STUM: variants seen among roughly 807,000 people sequenced by gnomAD.
The protein encoded by STUM is stum, mechanosensory transduction mediator homolog.
A neutral mutation model predicts 15.3 loss-of-function variants in STUM; 8 were observed. The observed-to-expected ratio is 0.52, with a 90% confidence interval of 0.31 to 0.94. The LOEUF is 0.94. Ranked by LOEUF, STUM falls within the 40% of genes least tolerant of loss-of-function variation. The pLI, the probability that STUM is intolerant of heterozygous loss-of-function variation, is 0.05. For synonymous variants in STUM, 78 were observed against 88.7 expected, an observed-to-expected ratio of 0.88 and a Z score of 0.68; for missense variants, 142 against 204.9, an observed-to-expected ratio of 0.69 and a Z score of 1.87.
intron 1 of STUM, among the ~76,000 whole-genome samples, chr1:226,594,377 C>G (rs1196681557): frequency 6.6e-6 from 1 of 152,178 alleles, no homozygotes; most frequent in Non-Finnish European, 1.5e-5. Flanking sequence ...AACAAGGCAG[C>G]CTCAAAGAGC....
intron 1 of STUM, among the ~76,000 whole-genome samples, chr1:226,570,708 T>A (rs912886186): frequency 2.0e-5 from 3 of 152,208 alleles, no homozygotes; most frequent in Non-Finnish European, 4.4e-5. Flanking sequence ...TGATCATTTA[T>A]CCTTCATATG....
intron 1 of STUM, among the ~76,000 whole-genome samples, chr1:226,564,694 G>C (rs773482277): frequency 1.3e-5 from 2 of 152,186 alleles, no homozygotes; most frequent in Non-Finnish European, 2.9e-5. Context: ...CCACTGCAGG[G>C]CACCCAGTAG....
rs754621069 is a variant in STUM, at chr1:226,596,840, C to T, written c.241C>T (p.Arg81Cys). ...VSAFTVLCGA[R>C]TDLPDRHVCC... is the part of the protein sequence containing the mutation. Reference sequence around the variant, plus strand: ...GGCCTTCACTGTGCTGTGCGGGGCCCGCACCGACCTCCCGGACAGGCATGT... The same window carrying T: ...GGCCTTCACTGTGCTGTGCGGGGCCTGCACCGACCTCCCGGACAGGCATGT... The change falls in exon 2 of 4, where the codon CGC becomes TGC. Residue 81 changes from arginine (R) to cysteine (C), a missense_variant. By Grantham distance (180) the Arg-to-Cys change is radical. This residue lies in a region of STUM where 113 missense variants were observed against 134.4 expected (regional missense o/e 0.84). Coordinates refer to ENST00000366788, the MANE Select transcript of STUM (RefSeq NM_001003665.4). 3 of 1,614,230 alleles carry T rather than the reference C, an allele frequency of 1.9e-6. No individual in the cohort carries two copies. Among genetic ancestry groups the T allele is most frequent in the Non-Finnish European group, 2.5e-6 (3 of 1,180,042 alleles).
In STUM at chr1:226,605,251, C is replaced by G. The variant is rs1010573367; in HGVS notation, c.*3211C>G. 1.3e-5 allele frequency: 2 copies of G among 152,456 alleles called. No homozygotes were observed. Among genetic ancestry groups the G allele is most frequent in the Admixed American group, 6.5e-5 (1 of 15,288 alleles). 9.4% of individuals were successfully genotyped at this position (152,456 alleles called of 1,614,324 possible). On this transcript the variant is annotated 3_prime_UTR_variant, in exon 4 of 4. Coordinates refer to ENST00000366788, the MANE Select transcript of STUM (RefSeq NM_001003665.4). This position sits in a 1 kb window ranked among gnomAD's most constrained non-coding sequence, Gnocchi z 4.0. ...AGAGCAGCCTCACCCAGGCACAGTG[C>G]AGGGCATTTTAGCTCCTGGGAGGGG...
intron 1 of STUM, among the ~76,000 whole-genome samples, chr1:226,577,045 A>G (rs1011040353): frequency 3.3e-5 from 5 of 152,038 alleles, no homozygotes; most frequent in Admixed American, 3.3e-4. Flanking sequence ...ACAGCCACAT[A>G]CAGAGATAGG....
chr1:226,559,261 G>A (rs947375222), intron 1 of STUM, among the ~76,000 whole-genome samples: 3 of 152,162 alleles, frequency 2.0e-5, no homozygotes, highest in African/African-American at 7.2e-5. Context: ...TTGTGGAGAA[G>A]AGCCTGCCTT....
chr1:226,592,289 C>A (rs553561904), intron 1 of STUM, among the ~76,000 whole-genome samples: 327 of 152,296 alleles, frequency 2.1e-3, no homozygotes, highest in Non-Finnish European at 3.5e-3. Context: ...CTCAGGTGAT[C>A]CACCTGCCAT....
At chr1:226,550,148 T>C (rs1370443946) in intron 1 of STUM, among the ~76,000 whole-genome samples, 1 of 152,146 alleles carries the variant, frequency 6.6e-6, no homozygotes, top group Non-Finnish European at 1.5e-5. Flanking sequence ...GGTTCCAAGT[T>C]CCCAAGAGCA....
intron 1 of STUM, among the ~76,000 whole-genome samples, chr1:226,589,019 T>G (rs944749960): frequency 3.3e-5 from 5 of 152,198 alleles, no homozygotes; most frequent in Admixed American, 3.3e-4. Context: ...TCATAATGAC[T>G]GCAGAGCCAG....
Position 226,607,972 on chromosome 1 carries a change from G to C in STUM, c.*5932G>C, listed in dbSNP as rs1337198549. 6.6e-6 allele frequency: 1 copy of C among 152,386 alleles called. No individual in the cohort carries two copies. Among genetic ancestry groups the C allele is most frequent in the South Asian group, 2.1e-4 (1 of 4,834 alleles). 9.4% of individuals were successfully genotyped at this position (152,386 alleles called of 1,614,324 possible). A position where few individuals can be genotyped will look rare whatever the true frequency, so the allele number is the denominator to read the frequency against. On this transcript the variant is annotated 3_prime_UTR_variant, in exon 4 of 4. Transcript: ENST00000366788. ...AAGGAGCCCACACCCCCTCTTCCAGGATGGGCACTGGCTGGCAGCACTTTT... is the reference window on the plus strand; with the variant it reads ...AAGGAGCCCACACCCCCTCTTCCAGCATGGGCACTGGCTGGCAGCACTTTT...
At chr1:226,587,477 C>T (rs1242756823) in intron 1 of STUM, among the ~76,000 whole-genome samples, 1 of 152,160 alleles carries the variant, frequency 6.6e-6, no homozygotes, top group Non-Finnish European at 1.5e-5. Flanking sequence ...TGTGACTTAC[C>T]AGGGTCTCAC....
At chr1:226,598,978 G>A (rs1406480706) in intron 2 of STUM, among the ~76,000 whole-genome samples, 1 of 152,230 alleles carries the variant, frequency 6.6e-6, no homozygotes, top group African/African-American at 2.4e-5. Context: ...GAAAGGCAAG[G>A]AGGAGCAAGT....
Position 226,602,052 on chromosome 1 carries a change from C to A in STUM, c.*12C>A, listed in dbSNP as rs190988627. On this transcript the variant is annotated 3_prime_UTR_variant, in exon 4 of 4. Transcript: ENST00000366788. ...CACAGCAGCTGTGAGCCCACGGGAG[C>A]CGCTGGGGAGATCCAGGGGGGCCCT... 88 of 1,604,302 alleles carry A rather than the reference C, an allele frequency of 5.5e-5. No homozygotes were observed. In the Admixed American group the frequency reaches 1.3e-3, roughly 24 times the overall value.
intron 1 of STUM, among the ~76,000 whole-genome samples, chr1:226,588,282 C>G (rs972475450): frequency 6.6e-6 from 1 of 152,190 alleles, no homozygotes; most frequent in Non-Finnish European, 1.5e-5. Flanking sequence ...TGCTCAGCTT[C>G]GAACCCTGCG....
chr1:226,584,601 C>G (rs763297826), intron 1 of STUM, among the ~76,000 whole-genome samples: 8 of 152,200 alleles, frequency 5.3e-5, no homozygotes, highest in South Asian at 2.1e-4. Flanking sequence ...TGAGCCCAAG[C>G]CTGCCATTTG....
At chr1:226,595,066 A>G (rs1183511244) in intron 1 of STUM, among the ~76,000 whole-genome samples, 1 of 152,206 alleles carries the variant, frequency 6.6e-6, no homozygotes, top group Non-Finnish European at 1.5e-5. Flanking sequence ...AGCTGGCTCG[A>G]GCAGGCAGCA....
chr1:226,591,661 GC>G (rs2102708309), intron 1 of STUM, among the ~76,000 whole-genome samples: 1 of 152,164 alleles, frequency 6.6e-6, no homozygotes, highest in East Asian at 1.9e-4. Flanking sequence ...CCAGAGATAG[GC>G]TTGACGACCT....
intron 1 of STUM, among the ~76,000 whole-genome samples, chr1:226,564,920 G>T (rs1396900386): frequency 6.6e-6 from 1 of 152,168 alleles, no homozygotes; most frequent in African/African-American, 2.4e-5. Context: ...AGGGGAGGAG[G>T]CTTGACAGGT....
At chr1:226,595,210 T>C (rs1247891169) in intron 1 of STUM, among the ~76,000 whole-genome samples, 2 of 152,044 alleles carry the variant, frequency 1.3e-5, no homozygotes, top group Admixed American at 6.5e-5. Context: ...CAGTGTGACG[T>C]GTAAAGGCAG....
Sources: gnomAD v4.1 joint callset for allele counts (sites outside exome capture counted in the v4.1 genomes callset) on GRCh38, gnomAD v4.1.1 for gene constraint, gnomAD v4.1.1 regional missense constraint, Gnocchi (gnomAD v3.1) non-coding constraint, MANE v1.5 for transcripts, NCBI Gene and HGNC (gene_info 2026-07-23, HGNC 2026-07-21) for gene names.